The following HMCN2 variants were observed in gnomAD, a reference collection of about 807,000 sequenced individuals.
HMCN2 encodes the protein hemicentin-2.
A neutral mutation model predicts 377.5 loss-of-function variants in HMCN2; 325 were observed. That is an observed-to-expected ratio of 0.86 (90% CI 0.79 to 0.94). The LOEUF is 0.94. HMCN2 is among the 40% of genes least tolerant of loss of function. The pLI, the probability that HMCN2 is intolerant of heterozygous loss-of-function variation, is 0.00. For synonymous variants in HMCN2, 2,007 were observed against 2,046.8 expected (o/e 0.98, Z 0.53); for missense variants, 4,543 against 4,725.3 (o/e 0.96, Z 1.13).
intron 7 of HMCN2, 85 bp from the exon 8 acceptor site, chr9:130,298,940 G>T (rs782449861): frequency 6.7e-5 from 27 of 403,258 alleles, no homozygotes; most frequent in Admixed American, 2.8e-5. Flanking sequence ...GGACCCCTGG[G>T]GTGTGGTTCG....
chr9:130,380,151 A>AC (rs1415886107), intron 54 of HMCN2, among the ~76,000 whole-genome samples: 4 of 152,200 alleles, frequency 2.6e-5, no homozygotes, highest in Non-Finnish European at 5.9e-5. Flanking sequence ...ACATGCTGGG[A>AC]TTATAGGCGT....
At chr9:130,404,043 T>G (rs925579194) in intron 80 of HMCN2, among the ~76,000 whole-genome samples, 168 bp downstream of exon 80, 2 of 152,226 alleles carry the variant, frequency 1.3e-5, no homozygotes, top group Non-Finnish European at 2.9e-5. Flanking sequence ...CAGACATAAA[T>G]TCCCATCCCC....
At chr9:130,359,970 G>A (rs79637602) in intron 37 of HMCN2, among the ~76,000 whole-genome samples, 3,758 of 152,252 alleles carry the variant, frequency 0.025, 168 homozygotes, top group African/African-American at 0.085. Flanking sequence ...AGATACACGC[G>A]GTCCAGCCTG....
chr9:130,352,018 G>A (rs1487044943), intron 30 of HMCN2, among the ~76,000 whole-genome samples: 4 of 152,160 alleles, frequency 2.6e-5, no homozygotes, highest in African/African-American at 9.6e-5. Flanking sequence ...CACCATGTTG[G>A]CCAGGCTGGC....
At position 130,425,816 on chromosome 9, in the gene HMCN2, G is replaced by A. The variant is rs1362916588; in HGVS notation, c.13771G>A (p.Gly4591Ser). Reference protein sequence around the residue: ...NHSIQYNAARGPQPQLVQHLR... With the variant: ...NHSIQYNAARSPQPQLVQHLR... ...CAGCATCCAGTACAACGCGGCCCGG[G>A]GCCCCCAGCCCCAGCTGGTGCAGCA... is the stretch of plus-strand genomic sequence containing the variant. The change falls in exon 90 of 98, where the codon GGC (glycine) becomes AGC (serine). Residue 4591 changes from glycine (G) to serine (S), a missense_variant. Gly to Ser is a moderately conservative substitution (Grantham distance 56). Around this residue, in one of 5 missense-constraint regions of HMCN2, gnomAD observed 1,155 missense variants for 1,157.7 expected, o/e 1.00. Coordinates refer to ENST00000683500, the MANE Select transcript of HMCN2 (RefSeq NM_001291815.2). The A allele has an allele frequency of 6.4e-7, 1 of 1,550,490 alleles. No homozygotes were observed. The highest frequency in any genetic ancestry group is 8.7e-7 in the Non-Finnish European group (1 of 1,146,966).
intron 22 of HMCN2, among the ~76,000 whole-genome samples, chr9:130,328,659 G>T (rs1485202145): frequency 2.0e-5 from 3 of 152,102 alleles, no homozygotes; most frequent in Non-Finnish European, 4.4e-5. Flanking sequence ...GGGAGGCGGG[G>T]GTGGGGTTAA....
In HMCN2 at chr9:130,299,016, C is replaced by A. The variant is rs1477280729; in HGVS notation, c.1013-9C>A. 3 of 465,996 alleles carry A rather than the reference C, an allele frequency of 6.4e-6. No individual in the cohort carries two copies. The highest frequency in any genetic ancestry group is 1.3e-5 in the Non-Finnish European group (3 of 223,424). 28.9% of individuals were successfully genotyped at this position (465,996 alleles called of 1,614,324 possible). ...CGCCAGCACTTTGTTCTTCACCTTCCCTCTGCAGGAGTCCCCATCTCCCTG... is the reference window on the plus strand; with the variant it reads ...CGCCAGCACTTTGTTCTTCACCTTCACTCTGCAGGAGTCCCCATCTCCCTG... On this transcript the variant is annotated splice_polypyrimidine_tract_variant and intron_variant, in intron 7 of 97. Coordinates refer to ENST00000683500, the MANE Select transcript of HMCN2 (RefSeq NM_001291815.2).
intron 40 of HMCN2, 83 bp from the exon 41 acceptor site, chr9:130,364,631 C>A: frequency 1.4e-6 from 1 of 734,782 alleles, no homozygotes; most frequent in Non-Finnish European, 1.7e-6. Context: ...CTGCGAGTAG[C>A]TAGGCCTGAC....
chr9:130,383,790 G>A (rs990337109), intron 57 of HMCN2, among the ~76,000 whole-genome samples, 190 bp downstream of exon 57: 4 of 152,214 alleles, frequency 2.6e-5, no homozygotes, highest in African/African-American at 9.7e-5. Context: ...ACCCCAGGTG[G>A]TTTTAAGCAA....
At position 130,433,553 on chromosome 9, in the gene HMCN2, C is replaced by T. The variant is rs891179594; in HGVS notation, c.15100C>T (p.Leu5034=). 6.8e-7 allele frequency: 1 copy of T among 1,470,690 alleles called. No homozygotes were observed. Among genetic ancestry groups the T allele is most frequent in the African/African-American group, 1.5e-5 (1 of 67,260 alleles). 91.1% of individuals were successfully genotyped at this position (1,470,690 alleles called of 1,614,324 possible). The stretch of plus-strand genomic sequence containing the variant: ...CCGCAGCCCCTTCGCGCTGCGTCCG[C>T]TGCGCGCGGGCCTTGGCGCGGTCTA... ...DPRSPFALRP[L]RAGLGAVYTR... The change falls in exon 98 of 98, where the codon CTG becomes TTG. Residue 5034 remains leucine (L), a synonymous_variant. Coordinates refer to ENST00000683500, the MANE Select transcript of HMCN2 (RefSeq NM_001291815.2).
chr9:130,313,606 C>CCCT (rs1554939716), intron 15 of HMCN2, among the ~76,000 whole-genome samples: 1 of 151,770 alleles, frequency 6.6e-6, no homozygotes, highest in African/African-American at 2.4e-5. Flanking sequence ...GGGCACCCCC[C>CCCT]CCCATAAACC....
intron 31 of HMCN2, among the ~76,000 whole-genome samples, chr9:130,353,678 A>G (rs1839854082): frequency 6.6e-6 from 1 of 152,194 alleles, no homozygotes; most frequent in African/African-American, 2.4e-5. Context: ...AGGTTTCCCC[A>G]GGTTCACACC....
chr9:130,353,891 G>A (rs1839873420), intron 31 of HMCN2, among the ~76,000 whole-genome samples: 1 of 152,160 alleles, frequency 6.6e-6, no homozygotes, highest in Non-Finnish European at 1.5e-5. Flanking sequence ...CAAGCTGATA[G>A]GGGTCAGCCT....
In HMCN2 at chr9:130,355,814, C is replaced by T. The variant is rs745686849; in HGVS notation, c.5215C>T (p.Leu1739Phe). 3.1e-6 allele frequency: 4 copies of T among 1,303,838 alleles called. No homozygotes were observed. In the South Asian group the frequency reaches 4.9e-5, roughly 16 times the overall value. 80.8% of individuals were successfully genotyped at this position (1,303,838 alleles called of 1,614,324 possible). ...CACCATCGTGGGACAGCCCCTGGAA[C>T]TTCCCTGCCAGGCCTCAGGCTCCCC... ...VTTIVGQPLE[L>F]PCQASGSPVP... Residue 1739 changes from leucine to phenylalanine, a missense_variant, in exon 33 of 98, where the codon CTT becomes TTT. Coordinates refer to ENST00000683500, the MANE Select transcript of HMCN2 (RefSeq NM_001291815.2).
Position 130,414,111 on chromosome 9 carries a change from A to C in HMCN2, c.12961+3459A>C, listed in dbSNP as rs1184270636. On this transcript the variant is annotated intron_variant, in intron 85 of 97. Coordinates refer to ENST00000683500, the MANE Select transcript of HMCN2 (RefSeq NM_001291815.2). This position sits in a 1 kb window ranked among gnomAD's most constrained non-coding sequence, Gnocchi z 4.4. ...ATCATCACACCAACTGGGAGCCTCTAACTTCCACCCTCGCCCCTGTACCGA... is the reference window on the plus strand; with the variant it reads ...ATCATCACACCAACTGGGAGCCTCTCACTTCCACCCTCGCCCCTGTACCGA... Among the ~76,000 whole-genome samples the C allele has an allele frequency of 6.6e-6, 1 of 152,120 alleles. No individual in the cohort carries two copies. The highest frequency in any genetic ancestry group is 6.6e-5 in the Admixed American group (1 of 15,264).
rs10586199 is a variant in HMCN2, at chr9:130,420,065, C to CTTTTT, written c.13231+1044_13231+1048dup. On this transcript the variant is annotated intron_variant, in intron 86 of 97. Transcript: ENST00000683500. ...TGTATTTCAGGGCTTCGTCCCACTT[C>CTTTTT]TTTTTTTTTTTTTTTTTTTTTTTTG... 5.4e-3 allele frequency among the ~76,000 whole-genome samples: 416 copies of CTTTTT among 77,006 alleles called. 5 individuals are homozygous for CTTTTT. The highest frequency in any genetic ancestry group is 0.015 in the East Asian group (35 of 2,412). 50.5% of individuals were successfully genotyped at this position (77,006 alleles called of 152,430 possible). A position where few individuals can be genotyped will look rare whatever the true frequency, so the allele number is the denominator to read the frequency against.
chr9:130,269,936 G>T (rs1225472566), intron 1 of HMCN2, among the ~76,000 whole-genome samples: 17 of 147,940 alleles, frequency 1.1e-4, no homozygotes, highest in African/African-American at 3.9e-4. Flanking sequence ...TCAGCCTCCT[G>T]AGTAGCTGGG....
At position 130,265,887 on chromosome 9, in the gene HMCN2, C is replaced by G; in HGVS notation, c.9C>G (p.Pro3=). The G allele has an allele frequency of 2.7e-6, 1 of 365,332 alleles. No individual in the cohort carries two copies. Among genetic ancestry groups the G allele is most frequent in the Non-Finnish European group, 5.4e-6 (1 of 183,798 alleles). The allele number at this position is 365,332 out of a possible 1,614,324, so 22.6% of individuals were successfully genotyped here. A position where few individuals can be genotyped will look rare whatever the true frequency, so the allele number is the denominator to read the frequency against. ...CCAGAGCCGCGCTCGGCATGATGCC[C>G]GGGGCGCCGCTCCTGCGGCTGCTGA... MM[P]GAPLLRLLTA... is the part of the protein sequence containing the mutation. Residue 3 remains proline, a synonymous_variant, in exon 1 of 98, where the codon CCC becomes CCG. Transcript: ENST00000683500.
intron 57 of HMCN2, 53 bp downstream of exon 57, chr9:130,383,653 G>A (rs2131641880): frequency 1.2e-6 from 1 of 856,280 alleles, no homozygotes. Flanking sequence ...CTTCCCAGGG[G>A]GCACTGCCTT....
Sources: allele counts gnomAD v4.1 joint callset (sites outside exome capture counted in the v4.1 genomes callset), GRCh38; gene constraint gnomAD v4.1.1; regional missense constraint gnomAD v4.1.1; non-coding constraint Gnocchi (gnomAD v3.1); transcripts MANE v1.5; gene names NCBI Gene and HGNC (gene_info 2026-07-23, HGNC 2026-07-21).